CARMIL1: variants seen among roughly 807,000 people sequenced by gnomAD.
CARMIL1 encodes the protein F-actin-uncapping protein LRRC16A.
Under a neutral mutation model 177.1 loss-of-function variants are expected in CARMIL1, and 90 were observed. That is an observed-to-expected ratio of 0.51 (90% CI 0.43 to 0.61). CARMIL1 has a LOEUF of 0.61. Among genes scored for constraint, CARMIL1 ranks in the 20% least tolerant of loss-of-function variants. The pLI is 0.00. For missense variants in CARMIL1, 1,380 were observed against 1,667.0 expected (o/e 0.83, Z 3.00); for synonymous variants, 577 against 606.2 (o/e 0.95, Z 0.71).
intron 2 of CARMIL1, among the ~76,000 whole-genome samples, chr6:25,395,871 G>T (rs1237982898): frequency 6.6e-6 from 1 of 152,234 alleles, no homozygotes; most frequent in East Asian, 1.9e-4. Flanking sequence ...TGTTGTTCAT[G>T]CTGTTGTGTG....
intron 2 of CARMIL1, among the ~76,000 whole-genome samples, chr6:25,355,055 C>G (rs997156311): frequency 1.3e-5 from 2 of 152,154 alleles, no homozygotes; most frequent in African/African-American, 2.4e-5. Context: ...ATGTAATACC[C>G]TCTCCTTGGG....
At chr6:25,343,727 C>T (rs1352869432) in intron 2 of CARMIL1, among the ~76,000 whole-genome samples, 1 of 152,112 alleles carries the variant, frequency 6.6e-6, no homozygotes, top group African/African-American at 2.4e-5. Flanking sequence ...CATCAGCAAA[C>T]CCCCCACTTC....
chr6:25,619,353 C>A (rs3747526), intron 36 of CARMIL1, 94 bp from the exon 37 acceptor site: 247,015 of 1,340,688 alleles, frequency 0.18, 26,026 homozygotes, highest in East Asian at 0.51. Flanking sequence ...TCCCCTCCCC[C>A]AAACCTTCAA....
At chr6:25,354,279 C>G (rs1788364225) in intron 2 of CARMIL1, among the ~76,000 whole-genome samples, 1 of 151,272 alleles carries the variant, frequency 6.6e-6, no homozygotes. Context: ...CCTGCCTCAG[C>G]TTCCGAGTAG....
rs139679581 is a variant in CARMIL1, at chr6:25,525,452, A to G, written c.1969-3343A>G. 3.6e-3 allele frequency among the ~76,000 whole-genome samples: 550 copies of G among 152,298 alleles called. 3 individuals carry two copies. Among genetic ancestry groups the G allele is most frequent in the African/African-American group, 0.013 (524 of 41,572 alleles). On this transcript the variant is annotated intron_variant, in intron 23 of 36. Transcript: ENST00000329474. ...TAAACAAAAACTGAGGGAATAATAT[A>G]TCACTAGTAGATCTGTCTTGCAAGA...
intron 9 of CARMIL1, among the ~76,000 whole-genome samples, chr6:25,469,360 A>G (rs1800899918): frequency 6.6e-6 from 1 of 152,210 alleles, no homozygotes; most frequent in African/African-American, 2.4e-5. Flanking sequence ...GGTATTTGTG[A>G]TCTGATAAGT....
intron 5 of CARMIL1, among the ~76,000 whole-genome samples, chr6:25,438,485 C>A (rs1332809878): frequency 1.3e-5 from 2 of 152,188 alleles, no homozygotes; most frequent in African/African-American, 2.4e-5. Context: ...ACTTCTGTCT[C>A]CAAAGGCCTC....
At position 25,309,330 on chromosome 6, in the gene CARMIL1, G is replaced by A. The variant is rs186707083; in HGVS notation, c.138+24421G>A. ...AGATCATGCCACTGCACTCCAGCTT[G>A]GGTAACAGAGCAAGAGTCCCTCTCA... On this transcript the variant is annotated intron_variant, in intron 2 of 36. Coordinates refer to ENST00000329474, the MANE Select transcript of CARMIL1 (RefSeq NM_017640.6). Among the ~76,000 whole-genome samples the A allele has an allele frequency of 1.9e-3, 273 of 140,822 alleles. 2 individuals carry two copies. The highest frequency in any genetic ancestry group is 6.6e-3 in the Admixed American group (89 of 13,444). 92.4% of individuals were successfully genotyped at this position (140,822 alleles called of 152,430 possible).
chr6:25,348,150 T>G (rs1787725013), intron 2 of CARMIL1, among the ~76,000 whole-genome samples: 1 of 152,024 alleles, frequency 6.6e-6, no homozygotes, highest in Non-Finnish European at 1.5e-5. Flanking sequence ...CTTCTTTTCT[T>G]TTTTTTTGAG....
intron 2 of CARMIL1, 122 bp from the exon 3 acceptor site, chr6:25,419,992 G>T (rs1477123693): frequency 1.3e-6 from 1 of 744,420 alleles, no homozygotes; most frequent in East Asian, 2.5e-5. Flanking sequence ...CTTCTTACAT[G>T]ACAGGAGCCA....
chr6:25,351,139 C>T (rs1396217366), intron 2 of CARMIL1, among the ~76,000 whole-genome samples: 2 of 151,950 alleles, frequency 1.3e-5, no homozygotes, highest in South Asian at 2.1e-4. Context: ...ATATGGCCAC[C>T]GAGCACTTGA....
chr6:25,455,854 G>C (rs1799469712), intron 8 of CARMIL1, among the ~76,000 whole-genome samples: 2 of 152,200 alleles, frequency 1.3e-5, no homozygotes, highest in Non-Finnish European at 2.9e-5. Context: ...GGCCTTGGCA[G>C]CTTGCTCATC....
chr6:25,373,650 A>G (rs992802489), intron 2 of CARMIL1, among the ~76,000 whole-genome samples: 7 of 149,076 alleles, frequency 4.7e-5, no homozygotes, highest in African/African-American at 1.2e-4. Flanking sequence ...TGGTGCGATC[A>G]TGGCTCACTG....
intron 2 of CARMIL1, among the ~76,000 whole-genome samples, chr6:25,411,440 A>C (rs1794897473): frequency 6.6e-6 from 1 of 152,182 alleles, no homozygotes; most frequent in African/African-American, 2.4e-5. Context: ...CATTACTCTG[A>C]CTTTAAAATA....
chr6:25,590,891 T>C lies in CARMIL1; in HGVS notation c.3007-3524T>C, dbSNP rs968555565. On this transcript the variant is annotated intron_variant, in intron 31 of 36. Coordinates refer to ENST00000329474, the MANE Select transcript of CARMIL1 (RefSeq NM_017640.6). ...CTCTTAATGTTGTCATCTCTTTTTC[T>C]AAGAGTCAACTGTTTTATCAATCCT... Among the ~76,000 whole-genome samples the C allele has an allele frequency of 5.3e-5, 8 of 152,222 alleles. No individual in the cohort carries two copies. In the East Asian group the frequency reaches 1.5e-3, roughly 29 times the overall value.
intron 8 of CARMIL1, among the ~76,000 whole-genome samples, chr6:25,461,629 A>G (rs1004553317): frequency 6.6e-6 from 1 of 152,256 alleles, no homozygotes; most frequent in Non-Finnish European, 1.5e-5. Flanking sequence ...AGCTCTTAAA[A>G]ATAAATAATT....
At chr6:25,465,285 G>T (rs1471751433) in intron 8 of CARMIL1, among the ~76,000 whole-genome samples, 2 of 152,066 alleles carry the variant, frequency 1.3e-5, no homozygotes, top group Admixed American at 1.3e-4. Context: ...AGCACTTTGG[G>T]TGGGGGCCAA....
intron 2 of CARMIL1, among the ~76,000 whole-genome samples, chr6:25,294,159 G>A (rs1369635234): frequency 6.6e-6 from 1 of 152,192 alleles, no homozygotes; most frequent in Non-Finnish European, 1.5e-5. Flanking sequence ...GTCCTGAGCT[G>A]TACTTACAGC....
chr6:25,496,393 G>A (rs1417136805), intron 16 of CARMIL1, among the ~76,000 whole-genome samples: 3 of 148,654 alleles, frequency 2.0e-5, no homozygotes, highest in Non-Finnish European at 3.0e-5. Flanking sequence ...TGGGAGAATC[G>A]CTTGAACCCG....
Sources: gnomAD v4.1 joint callset for allele counts (sites outside exome capture counted in the v4.1 genomes callset) on GRCh38, gnomAD v4.1.1 for gene constraint, MANE v1.5 for transcripts, NCBI Gene and HGNC (gene_info 2026-07-23, HGNC 2026-07-21) for gene names.